The following CYRIB variants were observed in gnomAD, a reference collection of about 807,000 sequenced individuals.
CYRIB encodes CYFIP related Rac1 interactor B.
Under a neutral mutation model 44.2 loss-of-function variants are expected in CYRIB, and 8 were observed. The ratio of observed to expected loss-of-function variants is 0.18; its 90% CI spans 0.11 to 0.33. The LOEUF (loss-of-function observed/expected upper bound fraction) is 0.33. Ranked by LOEUF, CYRIB falls within the 10% of genes least tolerant of loss-of-function variation. The probability of loss-of-function intolerance (pLI) is 1.00; values close to 1 mark genes in which losing one functional copy is unlikely to be tolerated. For missense variants in CYRIB, 185 were observed against 382.8 expected (o/e 0.48, Z 4.31); for synonymous variants, 131 against 127.2 (o/e 1.03, Z -0.20).
chr8:129,978,626 T>C (rs1352562522), intron 1 of CYRIB, among the ~76,000 whole-genome samples: 1 of 152,218 alleles, frequency 6.6e-6, no homozygotes, highest in Admixed American at 6.5e-5. Flanking sequence ...CCTTTTATAT[T>C]AGCCAGGTTC....
chr8:129,916,018 A>G (rs1036378314), intron 1 of CYRIB, among the ~76,000 whole-genome samples: 3 of 152,192 alleles, frequency 2.0e-5, no homozygotes, highest in African/African-American at 7.2e-5. Flanking sequence ...GCTAAAAATA[A>G]GCTTTATGAT....
chr8:129,923,141 G>T (rs2084846321), intron 1 of CYRIB, among the ~76,000 whole-genome samples: 1 of 150,124 alleles, frequency 6.7e-6, no homozygotes, highest in Admixed American at 6.6e-5. Context: ...TACTTGGGAG[G>T]CTGAGGCAGA....
chr8:129,996,385 T>G (rs2096766794), intron 1 of CYRIB, among the ~76,000 whole-genome samples: 1 of 152,212 alleles, frequency 6.6e-6, no homozygotes, highest in Admixed American at 6.5e-5. Context: ...AAGGGACTCA[T>G]CCACCCCATC....
chr8:129,956,097 C>G (rs1326878504), intron 2 of CYRIB, among the ~76,000 whole-genome samples: 1 of 152,134 alleles, frequency 6.6e-6, no homozygotes, highest in Non-Finnish European at 1.5e-5. Context: ...AAAGATATGA[C>G]CCTCTCCTTT....
At chr8:129,872,883 T>C (rs1588139809) in intron 3 of CYRIB, among the ~76,000 whole-genome samples, 2 of 152,030 alleles carry the variant, frequency 1.3e-5, no homozygotes, top group East Asian at 3.8e-4. Flanking sequence ...AATGATTTCT[T>C]TATTCCTTTA....
upstream of CYRIB, among the ~76,000 whole-genome samples, chr8:129,942,483 G>A (rs2093783994): frequency 6.6e-6 from 1 of 152,156 alleles, no homozygotes; most frequent in African/African-American, 2.4e-5. Flanking sequence ...ACCCCACATG[G>A]GAATTCCCTA....
chr8:129,867,008 G>T (rs1366447137), intron 4 of CYRIB, among the ~76,000 whole-genome samples: 1 of 152,192 alleles, frequency 6.6e-6, no homozygotes, highest in Non-Finnish European at 1.5e-5. Flanking sequence ...TATTAAACTG[G>T]CTGGGCACAC....
At chr8:129,898,569 G>T (rs1197988298) in intron 2 of CYRIB, among the ~76,000 whole-genome samples, 1 of 152,190 alleles carries the variant, frequency 6.6e-6, no homozygotes, top group Non-Finnish European at 1.5e-5. Flanking sequence ...TTTAATACAA[G>T]TGAAATTACA....
At chr8:129,850,512 G>A in intron 9 of CYRIB, 1 of 287,580 alleles carries the variant, frequency 3.5e-6, no homozygotes, top group Non-Finnish European at 6.4e-6. Context: ...TATAACCAAG[G>A]AACTTTAAAG....
chr8:129,870,790 A>C (rs1477214984), intron 4 of CYRIB, among the ~76,000 whole-genome samples: 1 of 152,168 alleles, frequency 6.6e-6, no homozygotes, highest in African/African-American at 2.4e-5. Context: ...AAACATGGAT[A>C]TGCTACGGGG....
upstream of CYRIB, among the ~76,000 whole-genome samples, chr8:129,943,091 C>CCCCCCCG (rs1554688214): frequency 2.3e-5 from 3 of 132,540 alleles, no homozygotes; most frequent in East Asian, 2.1e-4. Context: ...CGCCCACCCG[C>CCCCCCCG]CCCCCCGCAC....
chr8:129,989,627 C>T (rs2096572256), intron 1 of CYRIB, among the ~76,000 whole-genome samples: 2 of 151,494 alleles, frequency 1.3e-5, no homozygotes, highest in Admixed American at 1.3e-4. Flanking sequence ...ACCTCGCAAG[C>T]CTGATGCCCT....
intron 1 of CYRIB, among the ~76,000 whole-genome samples, chr8:129,909,537 T>C (rs1169017438): frequency 1.3e-5 from 2 of 152,200 alleles, no homozygotes; most frequent in Non-Finnish European, 2.9e-5. Context: ...TTTTAGTCTT[T>C]ACATACCAAC....
Position 129,902,367 on chromosome 8 carries a change from C to T in CYRIB, c.-11+945G>A, listed in dbSNP as rs551641610. ...CCAAGTAGCTGGGACTACAGGCACACGCCACCACACCTGCCTAATTTTTTG... is the reference window on the plus strand; with the variant it reads ...CCAAGTAGCTGGGACTACAGGCACATGCCACCACACCTGCCTAATTTTTTG... On this transcript the variant is annotated intron_variant, in intron 2 of 11. Transcript: ENST00000519824. Among the ~76,000 whole-genome samples the T allele has an allele frequency of 7.9e-5, 12 of 152,190 alleles. No homozygotes were observed. The East Asian group carries it at 1.5e-3, about 20-fold the overall frequency.
rs1298071565 is a variant in CYRIB, at chr8:129,864,793, C to T, written c.196-2459G>A. 8 of 437,920 alleles carry T rather than the reference C, an allele frequency of 1.8e-5. No individual in the cohort carries two copies. The East Asian group carries it at 2.1e-4, about 12-fold the overall frequency. 27.1% of individuals were successfully genotyped at this position (437,920 alleles called of 1,614,324 possible). A position where few individuals can be genotyped will look rare whatever the true frequency, so the allele number is the denominator to read the frequency against. ...AGTGAGCTGGACACCACTGTGGGGC[C>T]GCGTCCTGAATTCTTACTGGGTTGG... is the stretch of plus-strand genomic sequence containing the variant. On this transcript the variant is annotated intron_variant, in intron 4 of 11. Coordinates refer to ENST00000519824, the Ensembl canonical transcript of CYRIB.
intron 4 of CYRIB, among the ~76,000 whole-genome samples, chr8:129,868,237 T>C (rs867964297): frequency 1.2e-4 from 19 of 152,164 alleles, no homozygotes; most frequent in African/African-American, 4.6e-4. Context: ...TCATTAAACC[T>C]GCATCAACTT....
intron 1 of CYRIB, among the ~76,000 whole-genome samples, chr8:129,997,729 C>G (rs1228555100): frequency 6.6e-6 from 1 of 152,188 alleles, no homozygotes; most frequent in African/African-American, 2.4e-5. Flanking sequence ...GTCACATAGC[C>G]TGTCAAGACT....
In CYRIB at chr8:129,868,238, G is replaced by A. The variant is rs138557095; in HGVS notation, c.195+3137C>T. 2.4e-3 allele frequency among the ~76,000 whole-genome samples: 370 copies of A among 152,030 alleles called. 1 individual carries two copies. Among genetic ancestry groups the A allele is most frequent in the African/African-American group, 8.8e-3 (366 of 41,444 alleles). ...CTTTTCTCTTTGTATCATTAAACCTGCATCAACTTCTCAACAAAAATTTCA... is the reference window on the plus strand; with the variant it reads ...CTTTTCTCTTTGTATCATTAAACCTACATCAACTTCTCAACAAAAATTTCA... On this transcript the variant is annotated intron_variant, in intron 4 of 11. Coordinates refer to ENST00000519824, the Ensembl canonical transcript of CYRIB.
chr8:129,925,378 C>T (rs919890882), intron 1 of CYRIB, among the ~76,000 whole-genome samples: 3 of 151,906 alleles, frequency 2.0e-5, no homozygotes, highest in Non-Finnish European at 2.9e-5. Context: ...GGTGACAGAG[C>T]GAGACTCCGT....
Sources: allele counts gnomAD v4.1 joint callset (sites outside exome capture counted in the v4.1 genomes callset), GRCh38; gene constraint gnomAD v4.1.1; transcripts MANE v1.5; gene names NCBI Gene and HGNC (gene_info 2026-07-23, HGNC 2026-07-21).